CD38: variants seen among roughly 807,000 people sequenced by gnomAD.
CD38 encodes CD38 molecule.
In CD38, 31 loss-of-function variants were observed where a neutral mutation model predicts 36.3. The ratio of observed to expected loss-of-function variants is 0.85; its 90% CI spans 0.64 to 1.15. The LOEUF is 1.15. CD38 is among the 50% of genes most tolerant of loss of function. The pLI is 0.00. For missense variants in CD38, 380 were observed against 371.9 expected, an observed-to-expected ratio of 1.02 and a Z score of -0.18; for synonymous variants, 131 against 135.2, an observed-to-expected ratio of 0.97 and a Z score of 0.22.
At chr4:15,843,327 G>T (rs1196642670) in intron 7 of CD38, among the ~76,000 whole-genome samples, 1 of 62,248 alleles carries the variant, frequency 1.6e-5, no homozygotes, top group African/African-American at 7.2e-5. Context: ...ATAAGTGAAG[G>T]AGAAATAAAA....
At chr4:15,847,768 A>G (rs1482972302) in intron 7 of CD38, among the ~76,000 whole-genome samples, 2 of 152,182 alleles carry the variant, frequency 1.3e-5, no homozygotes, top group African/African-American at 4.8e-5. Flanking sequence ...CTTATGAAAC[A>G]TTAACCTTTT....
intron 2 of CD38, among the ~76,000 whole-genome samples, chr4:15,822,290 G>A (rs1723754429): frequency 6.6e-6 from 1 of 152,118 alleles, no homozygotes; most frequent in Non-Finnish European, 1.5e-5. Flanking sequence ...CACAAGACAA[G>A]GATGTCCTCT....
intron 1 of CD38, among the ~76,000 whole-genome samples, chr4:15,795,205 C>A (rs574544048): frequency 6.6e-6 from 1 of 151,698 alleles, no homozygotes. Context: ...TAGATGAAAT[C>A]AAGAATTAGT....
chr4:15,790,365 A>T (rs1346624672), intron 1 of CD38, among the ~76,000 whole-genome samples: 1 of 147,566 alleles, frequency 6.8e-6, no homozygotes, highest in Middle Eastern at 3.6e-3. Flanking sequence ...TTTGGTGGAG[A>T]CGGGGTTTTG....
Position 15,851,926 on chromosome 4 carries a change from T to C in CD38, c.*3324T>C, listed in dbSNP as rs1577666662. ...CTGTACTAAATGCTGTGGGCAATTT[T>C]AACCTGATGGTAAATGTTTGTGTAT... On this transcript the variant is annotated 3_prime_UTR_variant, in exon 8 of 8. Transcript: ENST00000226279. 1 of 152,338 alleles carries C rather than the reference T, an allele frequency of 6.6e-6. No individual in the cohort carries two copies. Among genetic ancestry groups the C allele is most frequent in the East Asian group, 1.9e-4 (1 of 5,192 alleles). The allele number at this position is 152,338 out of a possible 1,614,324, so 9.4% of individuals were successfully genotyped here.
intron 1 of CD38, among the ~76,000 whole-genome samples, chr4:15,802,143 A>G (rs1024422675): frequency 6.6e-6 from 1 of 152,180 alleles, no homozygotes; most frequent in Admixed American, 6.6e-5. Flanking sequence ...GCATTTCTAT[A>G]CACCAATAAT....
At chr4:15,814,920 C>T (rs562934527) in intron 1 of CD38, among the ~76,000 whole-genome samples, 1 of 152,140 alleles carries the variant, frequency 6.6e-6, no homozygotes, top group East Asian at 1.9e-4. Context: ...AATTCTCCTA[C>T]CTCAGCCTCC....
At chr4:15,791,685 GC>G (rs1164772230) in intron 1 of CD38, among the ~76,000 whole-genome samples, 3 of 89,280 alleles carry the variant, frequency 3.4e-5, no homozygotes, top group Non-Finnish European at 6.2e-5. Context: ...GGGGGGATCA[GC>G]CCCCCGCCTG....
At chr4:15,813,622 C>T (rs545950773) in intron 1 of CD38, among the ~76,000 whole-genome samples, 313 of 152,142 alleles carry the variant, frequency 2.1e-3, no homozygotes, top group Non-Finnish European at 3.5e-3. Flanking sequence ...CGACAGGCCC[C>T]GGTGTGTGTT....
chr4:15,790,147 CT>C (rs1722931285), intron 1 of CD38, among the ~76,000 whole-genome samples: 1 of 45,196 alleles, frequency 2.2e-5, no homozygotes, highest in Non-Finnish European at 3.8e-5. Flanking sequence ...CTCCCTCTCC[CT>C]CTCCCTCTCC....
chr4:15,841,619 G>C (rs1462841257), intron 7 of CD38, among the ~76,000 whole-genome samples: 2 of 150,250 alleles, frequency 1.3e-5, no homozygotes, highest in Non-Finnish European at 2.9e-5. Context: ...CGCAGAAGAC[G>C]GGTGATTTCT....
chr4:15,801,798 T>C (rs1450710158), intron 1 of CD38, among the ~76,000 whole-genome samples: 1 of 152,088 alleles, frequency 6.6e-6, no homozygotes. Context: ...ACACACTTCA[T>C]CTTAATAAAG....
chr4:15,784,672 G>A (rs111545949), intron 1 of CD38, among the ~76,000 whole-genome samples: 64 of 152,230 alleles, frequency 4.2e-4, no homozygotes, highest in African/African-American at 1.4e-3. Context: ...GTAGAGTGCT[G>A]GAAAGCTTCA....
intron 5 of CD38, 52 bp from the exon 6 acceptor site, chr4:15,839,974 G>T: frequency 8.0e-7 from 1 of 1,250,698 alleles, no homozygotes; most frequent in Non-Finnish European, 1.2e-6. Context: ...GGGGGGTGTG[G>T]ATGCTTTCGT....
At chr4:15,832,446 G>T (rs574898546) in intron 3 of CD38, among the ~76,000 whole-genome samples, 1 of 152,288 alleles carries the variant, frequency 6.6e-6, no homozygotes, top group South Asian at 2.1e-4. Flanking sequence ...TGTGATCTAC[G>T]TTGTATCTGC....
chr4:15,837,095 A>G lies in CD38; in HGVS notation c.586-997A>G, dbSNP rs140038666. ...AGAATAGTTTCCATTTCACTACTCT[A>G]TGGTATGTTTTAGGACAGTGCTGTT... is the stretch of plus-strand genomic sequence containing the variant. On this transcript the variant is annotated intron_variant, in intron 4 of 7. Coordinates refer to ENST00000226279, the MANE Select transcript of CD38 (RefSeq NM_001775.4). Among the ~76,000 whole-genome samples, 163 of 152,244 alleles carry G rather than the reference A, an allele frequency of 1.1e-3. 1 individual carries two copies. Among genetic ancestry groups the G allele is most frequent in the African/African-American group, 3.7e-3 (155 of 41,526 alleles).
intron 3 of CD38, among the ~76,000 whole-genome samples, chr4:15,827,499 A>T (rs187472719): frequency 2.1e-4 from 32 of 152,258 alleles, no homozygotes; most frequent in African/African-American, 7.2e-4. Context: ...CCCACCTAGA[A>T]TATGGTAATA....
At chr4:15,793,367 A>G (rs1286260155) in intron 1 of CD38, among the ~76,000 whole-genome samples, 1 of 152,088 alleles carries the variant, frequency 6.6e-6, no homozygotes, top group East Asian at 1.9e-4. Flanking sequence ...GTTTTTATTT[A>G]ACATGTTAAT....
chr4:15,792,468 G>GAATGAATAAAGAAAAAAAAAA (rs1723025638), intron 1 of CD38, among the ~76,000 whole-genome samples: 1 of 142,498 alleles, frequency 7.0e-6, no homozygotes, highest in Non-Finnish European at 1.5e-5. Context: ...GAAAAAAAAA[G>GAATGAATAAAGAAAAAAAAAA]AAAAGAAAAG....
Sources: allele counts gnomAD v4.1 joint callset (sites outside exome capture counted in the v4.1 genomes callset), GRCh38; gene constraint gnomAD v4.1.1; transcripts MANE v1.5; gene names NCBI Gene and HGNC (gene_info 2026-07-23, HGNC 2026-07-21).